Variants in LRRTM4 observed in about 807,000 individuals in gnomAD.
LRRTM4 encodes the protein leucine-rich repeat transmembrane neuronal protein 4.
In LRRTM4, 25 loss-of-function variants were observed where a neutral mutation model predicts 47.6. The observed-to-expected ratio is 0.53, with a 90% CI of 0.38 to 0.73. The LOEUF (loss-of-function observed/expected upper bound fraction) is 0.73, where lower values mean the gene tolerates loss of function less well. LRRTM4 is among the 30% of genes least tolerant of loss of function. LRRTM4 has a pLI of 0.00. For missense variants in LRRTM4, 638 were observed against 713.4 expected (o/e 0.89, Z 1.20); for synonymous variants, 311 against 269.5 (o/e 1.15, Z -1.51).
rs780063916 is a variant in LRRTM4, at chr2:77,518,715, G to A, written c.1154C>T (p.Pro385Leu). Residue 385 changes from proline to leucine, a missense_variant, in exon 3 of 4, where the codon CCT (proline) becomes CTT (leucine). By Grantham distance (98) the Pro-to-Leu change is moderately conservative. Coordinates refer to ENST00000409884, the MANE Select transcript of LRRTM4 (RefSeq NM_001134745.3). ...PQTPQKPLII[P>L]RPTIFKPDVT... Reference sequence around the variant, plus strand: ...GTCAGGTTTGAAGATGGTAGGTCTAGGGATAATCAGAGGTTTCTGGGGAGT... The same window carrying A: ...GTCAGGTTTGAAGATGGTAGGTCTAAGGATAATCAGAGGTTTCTGGGGAGT... 1 of 1,613,456 alleles carries A rather than the reference G, an allele frequency of 6.2e-7. No individual in the cohort carries two copies. The highest frequency in any genetic ancestry group is 2.2e-5 in the East Asian group (1 of 44,846).
chr2:76,809,743 TG>T (rs1394814616), intron 3 of LRRTM4, among the ~76,000 whole-genome samples: 2 of 152,194 alleles, frequency 1.3e-5, no homozygotes, highest in African/African-American at 4.8e-5. Context: ...GAGTGGCCTT[TG>T]CTGCCTTCCT....
chr2:76,879,242 T>C (rs936101929), intron 3 of LRRTM4, among the ~76,000 whole-genome samples: 1 of 152,190 alleles, frequency 6.6e-6, no homozygotes, highest in Non-Finnish European at 1.5e-5. Flanking sequence ...ATCTAGGACT[T>C]TCATAGCTAG....
intron 3 of LRRTM4, among the ~76,000 whole-genome samples, chr2:76,976,437 G>A (rs1676420493): frequency 6.6e-6 from 1 of 151,186 alleles, no homozygotes; most frequent in African/African-American, 2.4e-5. Context: ...AAAACCACAT[G>A]AATAATAATA....
intron 3 of LRRTM4, among the ~76,000 whole-genome samples, chr2:76,890,708 T>C (rs984068921): frequency 4.0e-5 from 6 of 151,726 alleles, no homozygotes; most frequent in Admixed American, 4.0e-4. Flanking sequence ...AGTATACATA[T>C]CAACAAAAAA....
rs117619843 is a variant in LRRTM4 at position 77,112,710 on chromosome 2, C to A, written c.1552-363794G>T. Among the ~76,000 whole-genome samples the A allele has an allele frequency of 2.6e-3, 395 of 151,862 alleles. 8 individuals are homozygous for A. The highest frequency in any genetic ancestry group is 0.022 in the East Asian group (113 of 5,100). On this transcript the variant is annotated intron_variant, in intron 3 of 3. Transcript: ENST00000409884. ...AGAGAACTCAGATGACCACAATCATCCTACCAAAGTACCTTGAAAGAAAGG... is the reference window on the plus strand; with the variant it reads ...AGAGAACTCAGATGACCACAATCATACTACCAAAGTACCTTGAAAGAAAGG...
intron 3 of LRRTM4, among the ~76,000 whole-genome samples, chr2:77,262,423 C>T (rs1422055277): frequency 6.6e-6 from 1 of 151,948 alleles, no homozygotes; most frequent in African/African-American, 2.4e-5. Flanking sequence ...TAGTATGGTA[C>T]ATTTGTTATA....
At chr2:77,221,028 A>G (rs1674611183) in intron 3 of LRRTM4, among the ~76,000 whole-genome samples, 1 of 152,214 alleles carries the variant, frequency 6.6e-6, no homozygotes, top group African/African-American at 2.4e-5. Flanking sequence ...TCTACAAGCC[A>G]GAAGAGAGTG....
intron 3 of LRRTM4, among the ~76,000 whole-genome samples, chr2:76,904,888 G>A (rs1195796233): frequency 1.3e-5 from 2 of 152,212 alleles, no homozygotes; most frequent in Non-Finnish European, 1.5e-5. Flanking sequence ...TCTTGGGGGA[G>A]GAGCCAAGAT....
intron 3 of LRRTM4, among the ~76,000 whole-genome samples, chr2:77,271,624 A>C (rs1676198275): frequency 6.6e-6 from 1 of 152,174 alleles, no homozygotes. Context: ...TAGAGTCTAC[A>C]CCATATCATA....
intron 3 of LRRTM4, among the ~76,000 whole-genome samples, chr2:76,811,504 C>T (rs1352706900): frequency 6.6e-6 from 1 of 152,152 alleles, no homozygotes; most frequent in African/African-American, 2.4e-5. Context: ...CTCTACTCTA[C>T]ATTGCAAGCT....
intron 3 of LRRTM4, among the ~76,000 whole-genome samples, chr2:77,348,087 ATAGG>A (rs2104290343): frequency 6.6e-6 from 1 of 151,854 alleles, no homozygotes; most frequent in South Asian, 2.1e-4. Flanking sequence ...CCAAAGTTTC[ATAGG>A]TAGGCCTCTT....
intron 3 of LRRTM4, among the ~76,000 whole-genome samples, chr2:77,484,177 G>T (rs1351719531): frequency 6.6e-6 from 1 of 152,218 alleles, no homozygotes; most frequent in Non-Finnish European, 1.5e-5. Context: ...CAGGCAGTTT[G>T]TATGTTTGAG....
At chr2:76,986,546 A>C (rs894820571) in intron 3 of LRRTM4, among the ~76,000 whole-genome samples, 1 of 151,944 alleles carries the variant, frequency 6.6e-6, no homozygotes, top group African/African-American at 2.4e-5. Flanking sequence ...TAATGTGGCT[A>C]ATCTGAACAT....
At chr2:77,334,592 G>T (rs919245233) in intron 3 of LRRTM4, among the ~76,000 whole-genome samples, 1 of 152,086 alleles carries the variant, frequency 6.6e-6, no homozygotes, top group Non-Finnish European at 1.5e-5. Context: ...CACCATTATT[G>T]TGAGGCATCC....
intron 3 of LRRTM4, among the ~76,000 whole-genome samples, chr2:77,369,444 G>C (rs552299815): frequency 6.6e-6 from 1 of 151,706 alleles, no homozygotes; most frequent in African/African-American, 2.4e-5. Flanking sequence ...AAATATGTAG[G>C]ATAAATAAGG....
chr2:77,060,891 C>A (rs1679764288), intron 3 of LRRTM4, among the ~76,000 whole-genome samples: 1 of 152,010 alleles, frequency 6.6e-6, no homozygotes, highest in Admixed American at 6.6e-5. Flanking sequence ...ATGACTCAAC[C>A]ACAATTTATA....
chr2:76,983,938 T>G (rs933392394), intron 3 of LRRTM4, among the ~76,000 whole-genome samples: 5 of 152,230 alleles, frequency 3.3e-5, no homozygotes, highest in African/African-American at 1.2e-4. Context: ...TCATATACTT[T>G]TTTAAAATTG....
At chr2:76,766,245 G>A (rs909133771) in intron 3 of LRRTM4, among the ~76,000 whole-genome samples, 3 of 152,146 alleles carry the variant, frequency 2.0e-5, no homozygotes, top group African/African-American at 7.2e-5. Context: ...GTGGCGAATT[G>A]TTCCTTTCTT....
intron 3 of LRRTM4, among the ~76,000 whole-genome samples, chr2:76,838,029 A>G (rs1671566594): frequency 6.6e-6 from 1 of 151,892 alleles, no homozygotes; most frequent in South Asian, 2.1e-4. Context: ...TGGCACATGT[A>G]TACATATGTA....
Sources: gnomAD v4.1 joint callset for allele counts (sites outside exome capture counted in the v4.1 genomes callset) on GRCh38, gnomAD v4.1.1 for gene constraint, MANE v1.5 for transcripts, NCBI Gene and HGNC (gene_info 2026-07-23, HGNC 2026-07-21) for gene names.